FAF1: variants seen among roughly 807,000 people sequenced by gnomAD.
FAF1 encodes FAS-associated factor 1.
A neutral mutation model predicts 92.5 loss-of-function variants in FAF1; 25 were observed. That is an observed-to-expected ratio of 0.27 (90% CI 0.20 to 0.38). The LOEUF (loss-of-function observed/expected upper bound fraction) is 0.38, where lower values mean the gene tolerates loss of function less well. FAF1 is among the 10% of genes least tolerant of loss of function. The probability of loss-of-function intolerance (pLI) is 1.00; values close to 1 mark genes in which losing one functional copy is unlikely to be tolerated. For missense variants in FAF1, 636 were observed against 793.3 expected (o/e 0.80, Z 2.38); for synonymous variants, 234 against 273.2 (o/e 0.86, Z 1.42).
At chr1:50,567,826 T>C (rs757814358) in intron 12 of FAF1, among the ~76,000 whole-genome samples, 13 of 152,110 alleles carry the variant, frequency 8.5e-5, no homozygotes, top group Non-Finnish European at 1.6e-4. Context: ...TTTGAAGAGA[T>C]AGAAAAATAT....
chr1:50,557,588 A>G (rs1032131410), intron 13 of FAF1, among the ~76,000 whole-genome samples: 35 of 152,330 alleles, frequency 2.3e-4, no homozygotes, highest in Non-Finnish European at 4.3e-4. Flanking sequence ...TTTAGCATCT[A>G]TGCAGACTGA....
Position 50,475,603 on chromosome 1 carries a change from C to T in FAF1, c.1730G>A (p.Arg577Gln), listed in dbSNP as rs1026361660. The T allele has an allele frequency of 1.9e-6, 3 of 1,613,952 alleles. No individual in the cohort carries two copies. Among genetic ancestry groups the T allele is most frequent in the African/African-American group, 1.3e-5 (1 of 74,888 alleles). ...GAACTCGCCACTGGGGGTCCGGATC[C>T]GCAGTTTGCTCACAGGCTCAGCATT... The part of the protein sequence containing the change: ...EENAEPVSKL[R>Q]IRTPSGEFLE... Residue 577 changes from arginine to glutamine, a missense_variant, in exon 18 of 19, where the codon CGG becomes CAG. Physicochemically the swap from Arg to Gln is conservative, Grantham distance 43. Around this residue, in one of 2 missense-constraint regions of FAF1, gnomAD observed 319 missense variants for 451.0 expected, o/e 0.71. Coordinates refer to ENST00000396153, the MANE Select transcript of FAF1 (RefSeq NM_007051.3).
intron 15 of FAF1, among the ~76,000 whole-genome samples, chr1:50,513,888 C>T (rs1407683101): frequency 6.6e-6 from 1 of 152,186 alleles, no homozygotes; most frequent in African/African-American, 2.4e-5. Flanking sequence ...ACCTAATATA[C>T]AGCTCTTTCT....
intron 6 of FAF1, among the ~76,000 whole-genome samples, chr1:50,720,688 C>A (rs1414141445): frequency 6.6e-6 from 1 of 152,090 alleles, no homozygotes; most frequent in Non-Finnish European, 1.5e-5. Flanking sequence ...AACCCCCACC[C>A]TAGGAATCTT....
intron 7 of FAF1, among the ~76,000 whole-genome samples, chr1:50,670,543 T>G (rs536829445): frequency 6.6e-6 from 1 of 152,366 alleles, no homozygotes; most frequent in Admixed American, 6.5e-5. Flanking sequence ...CTTATTTCAT[T>G]ATAGTCCTTG....
At position 50,808,358 on chromosome 1, in the gene FAF1, T is replaced by C. The variant is rs61673645; in HGVS notation, c.115-6681A>G. On this transcript the variant is annotated intron_variant, in intron 2 of 18. Coordinates refer to ENST00000396153, the MANE Select transcript of FAF1 (RefSeq NM_007051.3). ...ATATAAAGCAACCGCACAATTAAGA[T>C]GCGTAACAACCAGGTAACAACAAGA... 7.7e-3 allele frequency among the ~76,000 whole-genome samples: 1,177 copies of C among 152,268 alleles called. 13 individuals are homozygous for C. The highest frequency in any genetic ancestry group is 0.027 in the African/African-American group (1,137 of 41,544).
intron 1 of FAF1, among the ~76,000 whole-genome samples, chr1:50,921,374 T>G (rs917023964): frequency 2.0e-5 from 3 of 152,196 alleles, no homozygotes; most frequent in African/African-American, 7.2e-5. Context: ...CTGTCACCAC[T>G]GAGGGAATTC....
chr1:50,833,823 C>T (rs1644176935), intron 2 of FAF1, among the ~76,000 whole-genome samples: 1 of 152,232 alleles, frequency 6.6e-6, no homozygotes, highest in Admixed American at 6.5e-5. Context: ...TGTGATACCA[C>T]ATCTGCCCTT....
chr1:50,895,937 G>C (rs969279280), intron 1 of FAF1, among the ~76,000 whole-genome samples: 4 of 152,122 alleles, frequency 2.6e-5, no homozygotes, highest in African/African-American at 9.7e-5. Context: ...CCCACAGCTA[G>C]CATCATACTG....
intron 4 of FAF1, among the ~76,000 whole-genome samples, chr1:50,753,022 T>C (rs888332619): frequency 2.6e-5 from 4 of 152,172 alleles, no homozygotes; most frequent in South Asian, 2.1e-4. Flanking sequence ...TTCATTAAGA[T>C]GTGTTTAACG....
At chr1:50,494,695 C>T (rs1646878620) in intron 15 of FAF1, among the ~76,000 whole-genome samples, 1 of 152,154 alleles carries the variant, frequency 6.6e-6, no homozygotes. Flanking sequence ...CTGGTCCCTA[C>T]CTGAGCTGTA....
At chr1:50,567,028 T>A (rs369942624) in intron 13 of FAF1, 49 bp downstream of exon 13, 11 of 1,394,162 alleles carry the variant, frequency 7.9e-6, no homozygotes, top group Non-Finnish European at 1.1e-5. Context: ...ACACAATGAT[T>A]TTTTTTTTAA....
chr1:50,897,240 C>T (rs926053673), intron 1 of FAF1, among the ~76,000 whole-genome samples: 7 of 152,142 alleles, frequency 4.6e-5, no homozygotes, highest in Admixed American at 2.6e-4. Context: ...CTATGAATAA[C>T]TCCCCTCATA....
Position 50,610,995 on chromosome 1 carries a change from C to G in FAF1, c.745-14779G>C, listed in dbSNP as rs146595957. The stretch of plus-strand genomic sequence containing the variant: ...CCCAGGGTTGAGCTTTGTGCAGCAT[C>G]TGAATTATGCAGGAATGCTATACAA... On this transcript the variant is annotated intron_variant, in intron 8 of 18. Transcript: ENST00000396153. 3.9e-5 allele frequency among the ~76,000 whole-genome samples: 6 copies of G among 152,316 alleles called. No homozygotes were observed. The East Asian group carries it at 5.8e-4, about 15-fold the overall frequency.
At chr1:50,650,627 T>C (rs866994851) in intron 8 of FAF1, among the ~76,000 whole-genome samples, 5 of 152,110 alleles carry the variant, frequency 3.3e-5, no homozygotes, top group African/African-American at 1.2e-4. Context: ...CAAAAAAATA[T>C]ATAAATAAAA....
At chr1:50,696,062 A>G (rs755164099) in intron 7 of FAF1, among the ~76,000 whole-genome samples, 6 of 151,506 alleles carry the variant, frequency 4.0e-5, no homozygotes, top group African/African-American at 1.2e-4. Context: ...TTCAAATTAT[A>G]TAAGTCAAAT....
intron 8 of FAF1, among the ~76,000 whole-genome samples, chr1:50,613,123 A>C (rs780689314): frequency 4.6e-4 from 70 of 152,282 alleles, no homozygotes; most frequent in Admixed American, 3.9e-4. Context: ...AAGACTTGTA[A>C]TTTTCTAGAG....
At chr1:50,670,542 TTA>T (rs1655828830) in intron 7 of FAF1, among the ~76,000 whole-genome samples, 1 of 152,234 alleles carries the variant, frequency 6.6e-6, no homozygotes, top group South Asian at 2.1e-4. Context: ...TCTTATTTCA[TTA>T]TAGTCCTTGA....
chr1:50,680,832 C>T (rs1656389021), intron 7 of FAF1, among the ~76,000 whole-genome samples: 1 of 152,128 alleles, frequency 6.6e-6, no homozygotes, highest in Non-Finnish European at 1.5e-5. Flanking sequence ...CGAGAGTTTT[C>T]ATCTGTTTCC....
Sources: gnomAD v4.1 joint callset for allele counts (sites outside exome capture counted in the v4.1 genomes callset) on GRCh38, gnomAD v4.1.1 for gene constraint, gnomAD v4.1.1 regional missense constraint, MANE v1.5 for transcripts, NCBI Gene and HGNC (gene_info 2026-07-23, HGNC 2026-07-21) for gene names.